LONRF2: variants seen among roughly 807,000 people sequenced by gnomAD.
LONRF2 encodes the protein LON peptidase N-terminal domain and ring finger 2, also known as LON peptidase N-terminal domain and RING finger protein 2.
A neutral mutation model predicts 66.6 loss-of-function variants in LONRF2; 35 were observed. The ratio of observed to expected loss-of-function variants is 0.53; its 90% confidence interval spans 0.40 to 0.70. The LOEUF (loss-of-function observed/expected upper bound fraction) is 0.70, where lower values mean the gene tolerates loss of function less well. LONRF2 is among the 30% of genes least tolerant of loss of function. The pLI, the probability that LONRF2 is intolerant of heterozygous loss-of-function variation, is 0.00. For missense variants in LONRF2, 902 were observed against 1,002.1 expected, an observed-to-expected ratio of 0.90 and a Z score of 1.35; for synonymous variants, 417 against 418.1, an observed-to-expected ratio of 1.00 and a Z score of 0.03.
intron 10 of LONRF2, 25 bp downstream of exon 10, chr2:100,290,233 A>G: frequency 6.3e-7 from 1 of 1,595,134 alleles, no homozygotes; most frequent in Non-Finnish European, 8.5e-7. Flanking sequence ...ACTGCTATAA[A>G]ATACACCAGT....
At chr2:100,317,819 G>A (rs1280872191) in intron 1 of LONRF2, among the ~76,000 whole-genome samples, 1 of 151,896 alleles carries the variant, frequency 6.6e-6, no homozygotes, top group African/African-American at 2.4e-5. Context: ...TCAACTGTCA[G>A]TCTTCTATGA....
chr2:100,284,451 G>C lies in LONRF2; in HGVS notation c.2112C>G (p.Ala704=). Residue 704 remains alanine, a synonymous_variant, in exon 12 of 12, where the codon GCC becomes GCG. Transcript: ENST00000393437. ...SGPAWSWWIL[A]VLPLERKAQL... is the part of the protein sequence containing the mutation. ...GAGCCTTGCGCTCCAGGGGCAGCAC[G>C]GCCAGGATCCACCAGGACCAGGCAG... The C allele has an allele frequency of 1.9e-6, 3 of 1,608,312 alleles. No homozygotes were observed. Among genetic ancestry groups the C allele is most frequent in the Non-Finnish European group, 2.5e-6 (3 of 1,177,706 alleles).
In LONRF2 at chr2:100,273,739, T is replaced by C. The variant is rs1051127385; in HGVS notation, c.*10559A>G. 6.6e-6 allele frequency: 1 copy of C among 152,248 alleles called. No homozygotes were observed. Among genetic ancestry groups the C allele is most frequent in the East Asian group, 1.9e-4 (1 of 5,202 alleles). 9.4% of individuals were successfully genotyped at this position (152,248 alleles called of 1,614,324 possible). Reference sequence around the variant, plus strand: ...AAGTTTATCTACACCAGCTTATTTATTCAAATTTGCTCTTCTTATTAAACA... The same window carrying C: ...AAGTTTATCTACACCAGCTTATTTACTCAAATTTGCTCTTCTTATTAAACA... On this transcript the variant is annotated 3_prime_UTR_variant, in exon 12 of 12. Transcript: ENST00000393437.
Position 100,300,737 on chromosome 2 carries a change from T to A in LONRF2, c.972A>T (p.Leu324Phe). 6.2e-7 allele frequency: 1 copy of A among 1,613,358 alleles called. No individual in the cohort carries two copies. The highest frequency in any genetic ancestry group is 8.5e-7 in the Non-Finnish European group (1 of 1,179,728). ...FSATANVHEN[L>F]TSSIQSRLKA... ...TTAATCTGCTTTGGATGGAAGATGT[T>A]AAATTTTCATGCACATTTGCTGTAG... The change falls in exon 4 of 12, where the codon TTA becomes TTT. Residue 324 changes from leucine (L) to phenylalanine (F), a missense_variant. Leu to Phe is a conservative substitution (Grantham distance 22). This residue lies in a region of LONRF2 where 585 missense variants were observed against 569.9 expected (regional missense o/e 1.03). Coordinates refer to ENST00000393437, the MANE Select transcript of LONRF2 (RefSeq NM_198461.4).
intron 9 of LONRF2, among the ~76,000 whole-genome samples, chr2:100,292,685 A>G (rs1027121120): frequency 6.6e-6 from 1 of 152,036 alleles, no homozygotes; most frequent in African/African-American, 2.4e-5. Context: ...CATATATTCT[A>G]ATTTACTAAT....
chr2:100,277,377 C>A lies in LONRF2; in HGVS notation c.*6921G>T, dbSNP rs533237865. ...GGCTCTCAAAGACCTAAGCCTAGGA[C>A]CCCAATCTCCAACTGTCCATTATAA... On this transcript the variant is annotated 3_prime_UTR_variant, in exon 12 of 12. Coordinates refer to ENST00000393437, the MANE Select transcript of LONRF2 (RefSeq NM_198461.4). 1.3e-5 allele frequency: 2 copies of A among 152,312 alleles called. No homozygotes were observed. The highest frequency in any genetic ancestry group is 4.2e-4 in the South Asian group (2 of 4,818). 9.4% of individuals were successfully genotyped at this position (152,312 alleles called of 1,614,324 possible). A position where few individuals can be genotyped will look rare whatever the true frequency, so the allele number is the denominator to read the frequency against.
chr2:100,319,898 C>T lies in LONRF2; in HGVS notation c.679+1517G>A, dbSNP rs1354835371. Reference sequence around the variant, plus strand: ...ACAGGCTTAACATCTGTAGATACTACCAAATATTTTTCAGGGGCATAATTT... The same window carrying T: ...ACAGGCTTAACATCTGTAGATACTATCAAATATTTTTCAGGGGCATAATTT... On this transcript the variant is annotated intron_variant, in intron 1 of 11. Transcript: ENST00000393437. 2.0e-5 allele frequency among the ~76,000 whole-genome samples: 3 copies of T among 152,082 alleles called. No individual in the cohort carries two copies. The East Asian group carries it at 5.8e-4, about 29-fold the overall frequency.
chr2:100,305,243 A>T (rs1279058098), intron 2 of LONRF2, among the ~76,000 whole-genome samples: 1 of 152,128 alleles, frequency 6.6e-6, no homozygotes, highest in Non-Finnish European at 1.5e-5. Context: ...TTTCCTTTTC[A>T]TGTGCAGGTT....
chr2:100,298,450 C>A (rs1675114868), intron 7 of LONRF2, among the ~76,000 whole-genome samples: 1 of 152,188 alleles, frequency 6.6e-6, no homozygotes. Context: ...AAGGGACTCA[C>A]CTGTGGTCAG....
Position 100,321,965 on chromosome 2 carries a change from G to T in LONRF2, c.129C>A (p.Ala43=), listed in dbSNP as rs1374757877. ...AFRAGDYEMA[A]ELFRSMLAGL... is the part of the protein sequence containing the mutation. ...CGGCTAGCATGGAGCGAAAGAGCTCGGCTGCCATCTCGTAGTCGCCCGCGC... is the reference window on the plus strand; with the variant it reads ...CGGCTAGCATGGAGCGAAAGAGCTCTGCTGCCATCTCGTAGTCGCCCGCGC... The change falls in exon 1 of 12, where the codon GCC becomes GCA. Residue 43 remains alanine (A), a synonymous_variant. Coordinates refer to ENST00000393437, the MANE Select transcript of LONRF2 (RefSeq NM_198461.4). 2 of 1,468,114 alleles carry T rather than the reference G, an allele frequency of 1.4e-6. No homozygotes were observed. The highest frequency in any genetic ancestry group is 1.4e-5 in the African/African-American group (1 of 69,192). The allele number at this position is 1,468,114 out of a possible 1,614,324, so 90.9% of individuals were successfully genotyped here.
chr2:100,306,925 CTT>C (rs34262421), intron 2 of LONRF2, among the ~76,000 whole-genome samples: 71 of 119,960 alleles, frequency 5.9e-4, no homozygotes, highest in Non-Finnish European at 7.2e-4. Context: ...GAGTCTCGCT[CTT>C]TTTTTTTTTT....
rs944660845 is a variant in LONRF2 at position 100,273,921 on chromosome 2, G to A, written c.*10377C>T. 3.9e-5 allele frequency: 6 copies of A among 152,188 alleles called. No homozygotes were observed. The highest frequency in any genetic ancestry group is 1.2e-4 in the African/African-American group (5 of 41,438). The allele number at this position is 152,188 out of a possible 1,614,324, so 9.4% of individuals were successfully genotyped here. A position where few individuals can be genotyped will look rare whatever the true frequency, so the allele number is the denominator to read the frequency against. On this transcript the variant is annotated 3_prime_UTR_variant, in exon 12 of 12. Coordinates refer to ENST00000393437, the MANE Select transcript of LONRF2 (RefSeq NM_198461.4). The stretch of plus-strand genomic sequence containing the variant: ...TTAACAGGTTCTTATTTTCAGAATT[G>A]AGTGGGAAATTGTGTGTGGGGTAAA...
intron 4 of LONRF2, among the ~76,000 whole-genome samples, chr2:100,300,227 C>T (rs1235673203): frequency 6.7e-6 from 1 of 148,992 alleles, no homozygotes; most frequent in East Asian, 2.0e-4. Context: ...AATCATATAT[C>T]ATATTCAAAT....
At chr2:100,289,602 A>G (rs1573111048) in intron 10 of LONRF2, among the ~76,000 whole-genome samples, 1 of 151,006 alleles carries the variant, frequency 6.6e-6, no homozygotes. Context: ...CACATGGTTA[A>G]TTTTTTTATA....
chr2:100,304,790 ATT>A (rs3039614), intron 2 of LONRF2, among the ~76,000 whole-genome samples: 22 of 113,178 alleles, frequency 1.9e-4, no homozygotes, highest in Non-Finnish European at 2.2e-4. Flanking sequence ...TGCCTGGCTA[ATT>A]TTTTTTTTTT....
chr2:100,288,950 T>G (rs1425049191), intron 10 of LONRF2, among the ~76,000 whole-genome samples: 1 of 152,256 alleles, frequency 6.6e-6, no homozygotes, highest in Non-Finnish European at 1.5e-5. Context: ...TGTGTAAGTC[T>G]GTTGGAGAAT....
In LONRF2 at chr2:100,276,428, T is replaced by G. The variant is rs991039414; in HGVS notation, c.*7870A>C. The G allele has an allele frequency of 6.6e-6, 1 of 152,214 alleles. No individual in the cohort carries two copies. Among genetic ancestry groups the G allele is most frequent in the Non-Finnish European group, 1.5e-5 (1 of 68,046 alleles). The allele number at this position is 152,214 out of a possible 1,614,324, so 9.4% of individuals were successfully genotyped here. On this transcript the variant is annotated 3_prime_UTR_variant, in exon 12 of 12. Transcript: ENST00000393437. ...GTACCCAACGCCCTAATATCCCATA[T>G]TGAACACAGACACTCTAATAAAACA...
intron 9 of LONRF2, among the ~76,000 whole-genome samples, chr2:100,292,107 C>CTT (rs1674973970): frequency 6.6e-6 from 1 of 152,188 alleles, no homozygotes; most frequent in Non-Finnish European, 1.5e-5. Context: ...TACTTATATA[C>CTT]TTAATAAAAC....
intron 1 of LONRF2, among the ~76,000 whole-genome samples, chr2:100,315,816 T>C (rs1675494812): frequency 6.6e-6 from 1 of 152,194 alleles, no homozygotes; most frequent in South Asian, 2.1e-4. Flanking sequence ...TTGTTACTGA[T>C]TTTGGCTCCT....
Sources: allele counts gnomAD v4.1 joint callset (sites outside exome capture counted in the v4.1 genomes callset), GRCh38; gene constraint gnomAD v4.1.1; regional missense constraint gnomAD v4.1.1; transcripts MANE v1.5; gene names NCBI Gene and HGNC (gene_info 2026-07-23, HGNC 2026-07-21).